BBOX1: variants seen among roughly 807,000 people sequenced by gnomAD.
BBOX1 encodes gamma-butyrobetaine hydroxylase 1, also known as gamma-butyrobetaine dioxygenase.
In BBOX1, 35 loss-of-function variants were observed where a neutral mutation model predicts 41.6. The observed-to-expected ratio is 0.84, with a 90% CI of 0.64 to 1.11. The LOEUF (loss-of-function observed/expected upper bound fraction) is 1.11. Among genes scored for constraint, BBOX1 ranks in the 50% most tolerant of loss-of-function variants. BBOX1 has a pLI of 0.00. For missense variants in BBOX1, 458 were observed against 460.6 expected (o/e 0.99, Z 0.05); for synonymous variants, 163 against 154.7 (o/e 1.05, Z -0.40).
chr11:27,045,772 G>T (rs10835105), intron 2 of BBOX1, among the ~76,000 whole-genome samples: 48,391 of 151,866 alleles, frequency 0.32, 7,893 homozygotes, highest in East Asian at 0.45. Flanking sequence ...AGAAATAACA[G>T]CCTTTTATTC....
intron 4 of BBOX1, among the ~76,000 whole-genome samples, chr11:27,070,590 G>A (rs1376153044): frequency 2.0e-5 from 3 of 151,782 alleles, no homozygotes; most frequent in Admixed American, 1.3e-4. Flanking sequence ...ACTTCTGCTC[G>A]CTTTTGGTTT....
chr11:27,056,917 T>G (rs939765325), intron 3 of BBOX1, among the ~76,000 whole-genome samples: 1 of 150,390 alleles, frequency 6.6e-6, no homozygotes, highest in Non-Finnish European at 1.5e-5. Context: ...ATACAAAAAA[T>G]TAGCCAGGCG....
At chr11:27,077,281 A>G (rs1286840942) in intron 4 of BBOX1, among the ~76,000 whole-genome samples, 3 of 151,938 alleles carry the variant, frequency 2.0e-5, no homozygotes, top group Non-Finnish European at 4.4e-5. Flanking sequence ...TGCTGCTCCT[A>G]CTTTTATATT....
intron 4 of BBOX1, among the ~76,000 whole-genome samples, chr11:27,086,889 T>A (rs989153659): frequency 6.6e-6 from 1 of 152,078 alleles, no homozygotes; most frequent in Admixed American, 6.6e-5. Context: ...CCCTCATGGA[T>A]GGCTTTGAGG....
At chr11:27,100,824 C>T (rs981684329) in intron 5 of BBOX1, among the ~76,000 whole-genome samples, 1 of 152,012 alleles carries the variant, frequency 6.6e-6, no homozygotes, top group East Asian at 1.9e-4. Flanking sequence ...AAGGCAATTG[C>T]TTTTCAACAG....
At chr11:27,062,731 T>G (rs1214025533) in intron 4 of BBOX1, among the ~76,000 whole-genome samples, 1 of 152,000 alleles carries the variant, frequency 6.6e-6, no homozygotes, top group Non-Finnish European at 1.5e-5. Flanking sequence ...CCCAGCTAAT[T>G]TTTGTATTTT....
chr11:27,105,227 C>A (rs1463865137), intron 5 of BBOX1, among the ~76,000 whole-genome samples: 1 of 152,170 alleles, frequency 6.6e-6, no homozygotes, highest in Non-Finnish European at 1.5e-5. Flanking sequence ...AGCAACGGAA[C>A]AAAGCTGGAT....
intron 5 of BBOX1, among the ~76,000 whole-genome samples, chr11:27,103,026 TA>T (rs1858720087): frequency 6.6e-6 from 1 of 151,938 alleles, no homozygotes; most frequent in South Asian, 2.1e-4. Flanking sequence ...CTGTCTCTAC[TA>T]AAAATACAAA....
chr11:27,078,477 C>G (rs1436386019), intron 4 of BBOX1, among the ~76,000 whole-genome samples: 1 of 152,088 alleles, frequency 6.6e-6, no homozygotes, highest in African/African-American at 2.4e-5. Context: ...CCCTATCCCC[C>G]CACCATGGAA....
chr11:27,125,942 T>C (rs1590233302), intron 8 of BBOX1, 122 bp downstream of exon 8: 1 of 1,050,128 alleles, frequency 9.5e-7, no homozygotes, highest in South Asian at 1.8e-5. Context: ...CAACAGAATC[T>C]TGGTGAGCAA....
At chr11:27,098,660 C>T (rs796453572) in intron 5 of BBOX1, among the ~76,000 whole-genome samples, 10 of 151,796 alleles carry the variant, frequency 6.6e-5, no homozygotes, top group African/African-American at 2.4e-4. Flanking sequence ...AAACTCAAAC[C>T]CTGAAAATTC....
chr11:27,079,685 G>T lies in BBOX1; in HGVS notation c.335-13483G>T, dbSNP rs2134012780. Among the ~76,000 whole-genome samples, 2 of 152,156 alleles carry T rather than the reference G, an allele frequency of 1.3e-5. 1 individual carries two copies. Among genetic ancestry groups the T allele is most frequent in the Middle Eastern group, 6.8e-3 (2 of 294 alleles). On this transcript the variant is annotated intron_variant, in intron 4 of 8. Coordinates refer to ENST00000263182, the MANE Select transcript of BBOX1 (RefSeq NM_003986.3). Reference sequence around the variant, plus strand: ...ATGGGCAATGATAGAGGGGATTATTGAAGTTATTTACTTGAAACAATAAGG... The same window carrying T: ...ATGGGCAATGATAGAGGGGATTATTTAAGTTATTTACTTGAAACAATAAGG...
At chr11:27,119,331 T>C (rs900311932) in intron 6 of BBOX1, among the ~76,000 whole-genome samples, 1 of 152,062 alleles carries the variant, frequency 6.6e-6, no homozygotes, top group Admixed American at 6.6e-5. Context: ...TCTATGCAGC[T>C]CTTACAAGCT....
In BBOX1 at chr11:27,047,214, C is replaced by T. The variant is rs1424414064; in HGVS notation, c.-39+5736C>T. On this transcript the variant is annotated intron_variant, in intron 2 of 8. Transcript: ENST00000263182. The stretch of plus-strand genomic sequence containing the variant: ...TATCCTGACATCGCCTCTCTTGGAA[C>T]ACCTTCCTCAGGACATCCATTTGGC... 2.0e-5 allele frequency: 3 copies of T among 152,314 alleles called. No homozygotes were observed. The East Asian group carries it at 5.8e-4, about 29-fold the overall frequency. 9.4% of individuals were successfully genotyped at this position (152,314 alleles called of 1,614,324 possible). A position where few individuals can be genotyped will look rare whatever the true frequency, so the allele number is the denominator to read the frequency against.
intron 5 of BBOX1, among the ~76,000 whole-genome samples, chr11:27,100,391 C>A (rs1437605496): frequency 6.6e-6 from 1 of 152,056 alleles, no homozygotes; most frequent in Non-Finnish European, 1.5e-5. Context: ...AAAAATCAAC[C>A]TAGAAATAAT....
chr11:27,127,363 A>G lies in BBOX1; in HGVS notation c.1074A>G (p.Ile358Met). The G allele has an allele frequency of 6.2e-7, 1 of 1,614,170 alleles. No individual in the cohort carries two copies. The highest frequency in any genetic ancestry group is 8.5e-7 in the Non-Finnish European group (1 of 1,180,018). Residue 358 changes from isoleucine to methionine, a missense_variant, in exon 9 of 9, where the codon ATA (isoleucine) becomes ATG (methionine). Physicochemically the swap from Ile to Met is conservative, Grantham distance 10. Transcript: ENST00000263182. ...GTAGCTATGAAGCAGGAACTGAGAT[A>G]TCCCGCCATCTAGAAGGAGCTTATG... ...GRRSYEAGTE[I>M]SRHLEGAYAD...
At chr11:27,112,615 G>A (rs1245192714) in intron 5 of BBOX1, among the ~76,000 whole-genome samples, 3 of 151,886 alleles carry the variant, frequency 2.0e-5, no homozygotes, top group Non-Finnish European at 4.4e-5. Flanking sequence ...GAAGAAGATT[G>A]AAATGGGATA....
At chr11:27,126,172 T>G (rs1204142745) in intron 8 of BBOX1, among the ~76,000 whole-genome samples, 1 of 152,186 alleles carries the variant, frequency 6.6e-6, no homozygotes, top group Non-Finnish European at 1.5e-5. Flanking sequence ...AGCATTATAT[T>G]TTTTCTGGAC....
intron 4 of BBOX1, among the ~76,000 whole-genome samples, chr11:27,057,801 T>TCTGG (rs3077732): frequency 3.4e-5 from 5 of 149,154 alleles, no homozygotes; most frequent in African/African-American, 9.9e-5. Flanking sequence ...GGACAATTTG[T>TCTGG]GTGTGTGCAT....
Sources: gnomAD v4.1 joint callset for allele counts (sites outside exome capture counted in the v4.1 genomes callset) on GRCh38, gnomAD v4.1.1 for gene constraint, MANE v1.5 for transcripts, NCBI Gene and HGNC (gene_info 2026-07-23, HGNC 2026-07-21) for gene names.